SLC12A8: variants seen among roughly 807,000 people sequenced by gnomAD.
SLC12A8 encodes the protein solute carrier family 12 member 8.
In SLC12A8, 69 loss-of-function variants were observed where a neutral mutation model predicts 75.6. That is an observed-to-expected ratio of 0.91 (90% CI 0.75 to 1.11). The LOEUF (loss-of-function observed/expected upper bound fraction) is 1.11. Among genes scored for constraint, SLC12A8 ranks in the 50% most tolerant of loss-of-function variants. The probability of loss-of-function intolerance (pLI) is 0.00; values close to 1 mark genes in which losing one functional copy is unlikely to be tolerated. For missense variants in SLC12A8, 877 were observed against 896.7 expected, an observed-to-expected ratio of 0.98 and a Z score of 0.28; for synonymous variants, 365 against 372.8, an observed-to-expected ratio of 0.98 and a Z score of 0.24.
intron 5 of SLC12A8, among the ~76,000 whole-genome samples, chr3:125,146,004 A>AT (rs1483876853): frequency 1.3e-5 from 2 of 152,086 alleles, no homozygotes; most frequent in East Asian, 1.9e-4. Flanking sequence ...AATTTTTTAT[A>AT]TTTTTTGTAG....
At chr3:125,144,196 A>T (rs1387036459) in intron 5 of SLC12A8, among the ~76,000 whole-genome samples, 1 of 152,240 alleles carries the variant, frequency 6.6e-6, no homozygotes, top group East Asian at 1.9e-4. Flanking sequence ...GGGTGAGAAC[A>T]GTGCTGTCTA....
At chr3:125,175,756 G>GAAAAAAAAAAAA (rs11446379) in intron 5 of SLC12A8, among the ~76,000 whole-genome samples, 1 of 143,610 alleles carries the variant, frequency 7.0e-6, no homozygotes, top group African/African-American at 2.6e-5. Context: ...ACATGGCCAG[G>GAAAAAAAAAAAA]AAAAAAAAAA....
At position 125,107,708 on chromosome 3, in the gene SLC12A8, C is replaced by A; in HGVS notation, c.1478G>T (p.Ser493Ile). Reference protein sequence around the residue: ...NRTPESQKRKSKKATKQTLQD... With the variant: ...NRTPESQKRKIKKATKQTLQD... ...TAGGGTCTGCTTGGTGGCCTTCTTG[C>A]TTTTCCTCTTCTGACTTTCTGGGGT... Residue 493 changes from serine to isoleucine, a missense_variant, in exon 10 of 14, where the codon AGC becomes ATC. Physicochemically the swap from Ser to Ile is moderately radical, Grantham distance 142 (BLOSUM62 -2). Coordinates refer to ENST00000469902, the MANE Select transcript of SLC12A8 (RefSeq NM_024628.6). 6.2e-7 allele frequency: 1 copy of A among 1,614,154 alleles called. No individual in the cohort carries two copies. Among genetic ancestry groups the A allele is most frequent in the Non-Finnish European group, 8.5e-7 (1 of 1,180,028 alleles).
intron 2 of SLC12A8, among the ~76,000 whole-genome samples, chr3:125,199,971 C>A (rs1935088847): frequency 6.6e-6 from 1 of 151,898 alleles, no homozygotes; most frequent in South Asian, 2.1e-4. Flanking sequence ...ACCTAAGAAA[C>A]TGAGGTATAA....
At chr3:125,092,265 T>C (rs1306151653) in intron 10 of SLC12A8, 67 bp from the exon 11 acceptor site, 4 of 1,099,518 alleles carry the variant, frequency 3.6e-6, no homozygotes, top group East Asian at 2.4e-5. Context: ...TAGGAAAATA[T>C]ACCTATGAGC....
At chr3:125,152,892 T>C (rs1933961974) in intron 5 of SLC12A8, among the ~76,000 whole-genome samples, 1 of 152,136 alleles carries the variant, frequency 6.6e-6, no homozygotes, top group African/African-American at 2.4e-5. Flanking sequence ...TTCTCCGCTG[T>C]ATCCCAAAGC....
chr3:125,161,680 CA>C (rs36098782), intron 5 of SLC12A8, among the ~76,000 whole-genome samples: 29,695 of 143,192 alleles, frequency 0.21, 3,591 homozygotes, highest in Middle Eastern at 0.3. Flanking sequence ...GTACTTTTCT[CA>C]AAAAAAAAAA....
chr3:125,115,831 A>G (rs1476170884), intron 8 of SLC12A8, among the ~76,000 whole-genome samples: 1 of 152,000 alleles, frequency 6.6e-6, no homozygotes, highest in African/African-American at 2.4e-5. Flanking sequence ...GGGCACACAT[A>G]CAGAAGAGGC....
At chr3:125,133,513 G>A (rs940489806) in intron 6 of SLC12A8, among the ~76,000 whole-genome samples, 2 of 150,458 alleles carry the variant, frequency 1.3e-5, no homozygotes, top group African/African-American at 2.4e-5. Context: ...CTAAGTAGCT[G>A]AGAATCACTA....
chr3:125,085,306 G>C lies in SLC12A8; in HGVS notation c.1983-1254C>G, dbSNP rs78671680. On this transcript the variant is annotated intron_variant, in intron 13 of 13. Coordinates refer to ENST00000469902, the MANE Select transcript of SLC12A8 (RefSeq NM_024628.6). ...GAGAAGTAAAATACTTCACTCTCTAGTCTAGAATGACTTTCAAATCCTCAT... is the reference window on the plus strand; with the variant it reads ...GAGAAGTAAAATACTTCACTCTCTACTCTAGAATGACTTTCAAATCCTCAT... Among the ~76,000 whole-genome samples the C allele has an allele frequency of 6.5e-3, 995 of 152,270 alleles. 7 individuals carry two copies. The highest frequency in any genetic ancestry group is 0.023 in the African/African-American group (964 of 41,550).
intron 5 of SLC12A8, among the ~76,000 whole-genome samples, chr3:125,159,566 C>T (rs1934122955): frequency 6.6e-6 from 1 of 152,196 alleles, no homozygotes; most frequent in Non-Finnish European, 1.5e-5. Flanking sequence ...TGATTTAGCC[C>T]TCCAAATGCT....
At chr3:125,101,294 C>G (rs568676986) in intron 10 of SLC12A8, among the ~76,000 whole-genome samples, 2 of 152,300 alleles carry the variant, frequency 1.3e-5, no homozygotes, top group South Asian at 4.1e-4. Flanking sequence ...ATATTAAATG[C>G]TAATCTCAGT....
chr3:125,184,847 T>C (rs1043703588), intron 4 of SLC12A8, among the ~76,000 whole-genome samples: 9 of 151,640 alleles, frequency 5.9e-5, no homozygotes, highest in African/African-American at 2.2e-4. Context: ...CCAAAACCAA[T>C]AATTAGTTCT....
At chr3:125,191,205 G>T (rs969833639) in intron 2 of SLC12A8, among the ~76,000 whole-genome samples, 1 of 152,050 alleles carries the variant, frequency 6.6e-6, no homozygotes, top group Non-Finnish European at 1.5e-5. Flanking sequence ...CAGCATTACT[G>T]GACAATTGTT....
At chr3:125,120,577 G>A (rs1457496744) in intron 7 of SLC12A8, 22 bp downstream of exon 7, 2 of 1,575,740 alleles carry the variant, frequency 1.3e-6, no homozygotes, top group Admixed American at 1.7e-5. Context: ...AGCTCAGACT[G>A]ATTGCCATGA....
Position 125,107,922 on chromosome 3 carries a change from C to T in SLC12A8, c.1264G>A (p.Glu422Lys). 6.2e-7 allele frequency: 1 copy of T among 1,614,202 alleles called. No homozygotes were observed. Among genetic ancestry groups the T allele is most frequent in the South Asian group, 1.1e-5 (1 of 91,076 alleles). The change falls in exon 10 of 14, where the codon GAG (glutamate) becomes AAG (lysine). Residue 422 changes from glutamate to lysine, a missense_variant. Physicochemically the swap from Glu to Lys is moderately conservative, Grantham distance 56. Transcript: ENST00000469902. ...LTPVPEPVLR[E>K]GAEGLHCSEH... is the part of the protein sequence containing the mutation. Reference sequence around the variant, plus strand: ...GAGCAGTGGAGGCCTTCTGCGCCCTCCCTGAGCACCGGCTCAGGCACCGGG... The same window carrying T: ...GAGCAGTGGAGGCCTTCTGCGCCCTTCCTGAGCACCGGCTCAGGCACCGGG...
chr3:125,184,618 T>C (rs116420454), intron 4 of SLC12A8, among the ~76,000 whole-genome samples: 34 of 152,002 alleles, frequency 2.2e-4, no homozygotes, highest in African/African-American at 8.2e-4. Flanking sequence ...ACACATGCCC[T>C]GGAATGAGGG....
At chr3:125,114,730 C>T (rs619432) in intron 8 of SLC12A8, among the ~76,000 whole-genome samples, 43,971 of 152,048 alleles carry the variant, frequency 0.29, 7,331 homozygotes, top group East Asian at 0.71. Flanking sequence ...ATTCCCTAGT[C>T]TTAACAATAA....
At chr3:125,148,766 T>C (rs1355330809) in intron 5 of SLC12A8, among the ~76,000 whole-genome samples, 1 of 152,118 alleles carries the variant, frequency 6.6e-6, no homozygotes, top group African/African-American at 2.4e-5. Context: ...CCCACCCAAA[T>C]GTGAGTGACT....
Sources: gnomAD v4.1 joint callset for allele counts (sites outside exome capture counted in the v4.1 genomes callset) on GRCh38, gnomAD v4.1.1 for gene constraint, MANE v1.5 for transcripts, NCBI Gene and HGNC (gene_info 2026-07-23, HGNC 2026-07-21) for gene names.